The following AOPEP variants were observed in gnomAD, a reference collection of about 807,000 sequenced individuals.
AOPEP encodes aminopeptidase O.
AOPEP carries 77 observed loss-of-function variants against 98.1 expected under a neutral mutation model. The observed-to-expected ratio is 0.78, with a 90% confidence interval of 0.65 to 0.95. The LOEUF is 0.95. Ranked by LOEUF, AOPEP falls within the 40% of genes least tolerant of loss-of-function variation. The probability of loss-of-function intolerance (pLI) is 0.00; values close to 1 mark genes in which losing one functional copy is unlikely to be tolerated. For synonymous variants in AOPEP, 346 were observed against 365.3 expected (o/e 0.95, Z 0.60); for missense variants, 1,024 against 1,024.7 (o/e 1.00, Z 0.01).
chr9:94,912,690 C>T (rs1197557246), intron 5 of AOPEP, among the ~76,000 whole-genome samples: 1 of 152,184 alleles, frequency 6.6e-6, no homozygotes, highest in Non-Finnish European at 1.5e-5. Context: ...GCTATGGGCT[C>T]CCTGGGAAAA....
intron 5 of AOPEP, among the ~76,000 whole-genome samples, chr9:94,846,482 C>G (rs968557792): frequency 1.3e-5 from 2 of 152,142 alleles, no homozygotes; most frequent in African/African-American, 4.8e-5. Context: ...GCAGCTCTTT[C>G]AGGGAGTCCT....
the AOPEP span, among the ~76,000 whole-genome samples, chr9:95,095,675 C>T: frequency 2.7e-4 from 41 of 152,222 alleles, no homozygotes; most frequent in Non-Finnish European, 5.0e-4. Context: ...AAGGGAGATG[C>T]GTGGGGGGTC....
At chr9:95,136,062 A>G in the AOPEP span, among the ~76,000 whole-genome samples, 2 of 152,168 alleles carry the variant, frequency 1.3e-5, no homozygotes, top group Non-Finnish European at 2.9e-5. Flanking sequence ...CCAATAACTA[A>G]TTATAATCGG....
chr9:95,125,459 G>C, the AOPEP span, among the ~76,000 whole-genome samples: 5 of 152,078 alleles, frequency 3.3e-5, no homozygotes, highest in Non-Finnish European at 1.5e-5. Flanking sequence ...TGCATACTCT[G>C]TACAAATATT....
At chr9:95,005,943 G>T in intron 13 of AOPEP, 1 of 507,020 alleles carries the variant, frequency 2.0e-6, no homozygotes, top group Non-Finnish European at 3.9e-6. Context: ...AATGAAAAGT[G>T]TTCCGAATAA....
chr9:94,784,133 A>G (rs369427318), intron 3 of AOPEP, among the ~76,000 whole-genome samples: 2 of 152,206 alleles, frequency 1.3e-5, no homozygotes, highest in Middle Eastern at 3.2e-3. Flanking sequence ...GTTCCATGAG[A>G]TGCTTAACTT....
intron 5 of AOPEP, among the ~76,000 whole-genome samples, chr9:94,850,567 T>G (rs2043429777): frequency 6.6e-6 from 1 of 152,194 alleles, no homozygotes; most frequent in Non-Finnish European, 1.5e-5. Flanking sequence ...TATACTCAGT[T>G]GGCAATGGTA....
At chr9:94,928,244 C>T (rs1269128760) in intron 6 of AOPEP, among the ~76,000 whole-genome samples, 181 bp from the exon 7 acceptor site, 5 of 152,158 alleles carry the variant, frequency 3.3e-5, no homozygotes, top group East Asian at 1.9e-4. Context: ...CGAGCGTGCA[C>T]GGTTGGTTTT....
At chr9:94,945,092 T>C (rs954707168) in intron 7 of AOPEP, among the ~76,000 whole-genome samples, 1 of 152,116 alleles carries the variant, frequency 6.6e-6, no homozygotes, top group African/African-American at 2.4e-5. Context: ...ATTTCCAGCG[T>C]TGGATGGATG....
chr9:94,968,549 G>T (rs1270559337), intron 10 of AOPEP, among the ~76,000 whole-genome samples: 1 of 152,000 alleles, frequency 6.6e-6, no homozygotes, highest in Non-Finnish European at 1.5e-5. Flanking sequence ...ACTAATTTTT[G>T]TATTTTTAGT....
intron 13 of AOPEP, among the ~76,000 whole-genome samples, chr9:95,017,769 A>C (rs933984712): frequency 6.6e-6 from 1 of 152,244 alleles, no homozygotes; most frequent in Non-Finnish European, 1.5e-5. Flanking sequence ...TCCATCACCC[A>C]GAAAGTTCCT....
chr9:95,000,771 C>T (rs2061511749), intron 11 of AOPEP, among the ~76,000 whole-genome samples: 1 of 152,060 alleles, frequency 6.6e-6, no homozygotes, highest in African/African-American at 2.4e-5. Context: ...TGCTCCTAAT[C>T]CCTCTGTTAT....
chr9:94,727,780 G>A (rs1829541733), intron 1 of AOPEP, among the ~76,000 whole-genome samples: 1 of 152,130 alleles, frequency 6.6e-6, no homozygotes, highest in African/African-American at 2.4e-5. Context: ...AATATTTGGG[G>A]GACAAAGTAG....
At chr9:95,051,938 C>T (rs1258946651) in intron 13 of AOPEP, among the ~76,000 whole-genome samples, 1 of 151,926 alleles carries the variant, frequency 6.6e-6, no homozygotes, top group Non-Finnish European at 1.5e-5. Flanking sequence ...CTCCTGACCT[C>T]GTGATCTGCC....
intron 5 of AOPEP, chr9:94,904,197 G>A (rs993634942): frequency 1.3e-5 from 2 of 152,024 alleles, no homozygotes; most frequent in African/African-American, 4.8e-5. Flanking sequence ...CCTGACCAAG[G>A]CATTCATGTA....
Position 94,980,510 on chromosome 9 carries a change from C to T in AOPEP, c.1977+1083C>T, listed in dbSNP as rs920134505. ...GACAGGAGGGGCTGTTCTCCATTAC[C>T]TTTTCATCCCCCTCCTCACATCTTT... On this transcript the variant is annotated intron_variant, in intron 11 of 16. Transcript: ENST00000375315. The surrounding 1 kb of genome is among the most constrained non-coding windows in gnomAD (Gnocchi z 4.3). Among the ~76,000 whole-genome samples the T allele has an allele frequency of 9.9e-5, 15 of 152,184 alleles. No homozygotes were observed. The highest frequency in any genetic ancestry group is 1.8e-4 in the Non-Finnish European group (12 of 68,028).
At chr9:94,794,063 A>G (rs1335391879) in intron 4 of AOPEP, among the ~76,000 whole-genome samples, 1 of 152,232 alleles carries the variant, frequency 6.6e-6, no homozygotes, top group African/African-American at 2.4e-5. Context: ...GGGTTAAGGG[A>G]ATCCTGCTTG....
chr9:95,137,632 C>G, the AOPEP span, among the ~76,000 whole-genome samples: 3 of 152,180 alleles, frequency 2.0e-5, no homozygotes, highest in African/African-American at 7.2e-5. Flanking sequence ...TTTGGAGTGT[C>G]TGAGGCACAA....
intron 5 of AOPEP, among the ~76,000 whole-genome samples, chr9:94,836,402 A>G (rs1007094271): frequency 1.3e-5 from 2 of 152,132 alleles, no homozygotes; most frequent in African/African-American, 4.8e-5. Context: ...TTAAAATTTT[A>G]GTCATTCTAT....
Sources: allele counts gnomAD v4.1 joint callset (sites outside exome capture counted in the v4.1 genomes callset), GRCh38; gene constraint gnomAD v4.1.1; non-coding constraint Gnocchi (gnomAD v3.1); transcripts MANE v1.5; gene names NCBI Gene and HGNC (gene_info 2026-07-23, HGNC 2026-07-21).